The following CACNA2D2 variants were observed in gnomAD, a reference collection of about 807,000 sequenced individuals.
CACNA2D2 encodes the protein calcium voltage-gated channel auxiliary subunit alpha2delta 2.
Under a neutral mutation model 166.4 loss-of-function variants are expected in CACNA2D2, and 48 were observed. That is an observed-to-expected ratio of 0.29 (90% confidence interval 0.23 to 0.37). The LOEUF (loss-of-function observed/expected upper bound fraction) is 0.37, where lower values mean the gene tolerates loss of function less well. Among genes scored for constraint, CACNA2D2 ranks in the 10% least tolerant of loss-of-function variants. The pLI is 1.00. For synonymous variants in CACNA2D2, 561 were observed against 573.7 expected (o/e 0.98, Z 0.32); for missense variants, 1,122 against 1,433.0 (o/e 0.78, Z 3.50).
chr3:50,468,134 ACCCATTCAGCCCTCTGT>A (rs1378593268), intron 2 of CACNA2D2, among the ~76,000 whole-genome samples: 2 of 151,928 alleles, frequency 1.3e-5, no homozygotes, highest in Non-Finnish European at 2.9e-5. Flanking sequence ...CCGAGCATAA[ACCCATTCAGCCCTCTGT>A]CCCCAAGCCC....
intron 3 of CACNA2D2, among the ~76,000 whole-genome samples, chr3:50,398,421 G>A (rs1020934697): frequency 7.2e-5 from 11 of 152,166 alleles, no homozygotes; most frequent in African/African-American, 2.7e-4. Flanking sequence ...TTGAGCACTG[G>A]GTTTGGTGGG....
intron 2 of CACNA2D2, among the ~76,000 whole-genome samples, chr3:50,449,350 C>T (rs911148555): frequency 3.9e-5 from 6 of 152,194 alleles, no homozygotes; most frequent in African/African-American, 1.4e-4. Context: ...TCGTGCCCAG[C>T]TAATGGGCTG....
chr3:50,387,725 C>T, intron 4 of CACNA2D2, 113 bp from the exon 5 acceptor site: 2 of 810,866 alleles, frequency 2.5e-6, no homozygotes, highest in Non-Finnish European at 4.0e-6. Flanking sequence ...CAGAGACTGT[C>T]CCTTTCCCCC....
At chr3:50,407,556 C>G (rs1475564806) in intron 3 of CACNA2D2, among the ~76,000 whole-genome samples, 3 of 152,186 alleles carry the variant, frequency 2.0e-5, no homozygotes, top group Admixed American at 6.5e-5. Flanking sequence ...ACTGGGCAGA[C>G]AGTGACCAGC....
chr3:50,405,215 G>T (rs556622872), intron 3 of CACNA2D2, among the ~76,000 whole-genome samples: 3 of 152,204 alleles, frequency 2.0e-5, no homozygotes, highest in Non-Finnish European at 2.9e-5. Flanking sequence ...AAATGTGCCC[G>T]ATGGGGCACT....
At chr3:50,454,853 A>T (rs570176516) in intron 2 of CACNA2D2, among the ~76,000 whole-genome samples, 1 of 152,216 alleles carries the variant, frequency 6.6e-6, no homozygotes, top group East Asian at 1.9e-4. Flanking sequence ...AGAGAAGGGG[A>T]AGGGTCAGCT....
chr3:50,366,454 TGTG>T lies in CACNA2D2; in HGVS notation c.2638-119_2638-117del. On this transcript the variant is annotated intron_variant, in intron 30 of 37. Transcript: ENST00000424201. The surrounding 1 kb of genome is among the most constrained non-coding windows in gnomAD (Gnocchi z 5.9). ...ATCACTCCCCCAGTCCTGGGAAGGC[TGTG>T]AAGTCAGGGTGGGGATGTTGAGACC... 6.8e-7 allele frequency: 1 copy of T among 1,465,456 alleles called. No individual in the cohort carries two copies. Among genetic ancestry groups the T allele is most frequent in the African/African-American group, 1.4e-5 (1 of 72,158 alleles). The allele number at this position is 1,465,456 out of a possible 1,614,324, so 90.8% of individuals were successfully genotyped here.
At position 50,378,276 on chromosome 3, in the gene CACNA2D2, A is replaced by C; in HGVS notation, c.1389+8T>G. On this transcript the variant is annotated splice_region_variant and intron_variant, in intron 14 of 37. Transcript: ENST00000424201. ...GGGGCTGGGAGGAGGGGCCTCCCCAAGTCTCACCTGTGTGTTGATGCGGAT... is the reference window on the plus strand; with the variant it reads ...GGGGCTGGGAGGAGGGGCCTCCCCACGTCTCACCTGTGTGTTGATGCGGAT... 1 of 1,553,886 alleles carries C rather than the reference A, an allele frequency of 6.4e-7. No homozygotes were observed. The highest frequency in any genetic ancestry group is 1.4e-5 in the African/African-American group (1 of 73,276).
chr3:50,479,674 C>G (rs1559990218), intron 1 of CACNA2D2, among the ~76,000 whole-genome samples: 1 of 152,028 alleles, frequency 6.6e-6, no homozygotes, highest in Non-Finnish European at 1.5e-5. Flanking sequence ...CTCACTCCAG[C>G]AGAAGGGAGG....
At chr3:50,393,401 G>C (rs560616712) in intron 4 of CACNA2D2, among the ~76,000 whole-genome samples, 55 of 152,358 alleles carry the variant, frequency 3.6e-4, no homozygotes, top group Non-Finnish European at 1.6e-4. Context: ...TTGAATCCAG[G>C]AGGAGCCCTG....
chr3:50,382,928 C>G (rs1705401780), intron 6 of CACNA2D2, among the ~76,000 whole-genome samples: 1 of 152,242 alleles, frequency 6.6e-6, no homozygotes, highest in African/African-American at 2.4e-5. Flanking sequence ...GCAAACACCC[C>G]TGCGCCCGCC....
rs1485541355 is a variant in CACNA2D2, at chr3:50,380,035, T to C, written c.843-17A>G. The C allele has an allele frequency of 1.2e-6, 2 of 1,613,952 alleles. No individual in the cohort carries two copies. Among genetic ancestry groups the C allele is most frequent in the Non-Finnish European group, 1.7e-6 (2 of 1,179,946 alleles). On this transcript the variant is annotated splice_polypyrimidine_tract_variant and intron_variant, in intron 8 of 37. Coordinates refer to ENST00000424201, the MANE Select transcript of CACNA2D2 (RefSeq NM_006030.4). The surrounding 1 kb of genome is among the most constrained non-coding windows in gnomAD (Gnocchi z 4.9). ...TGGATATACCTGCCCAGGAGATGCCTCTGTTAGGGTAAGGCCCACTGGGAC... is the reference window on the plus strand; with the variant it reads ...TGGATATACCTGCCCAGGAGATGCCCCTGTTAGGGTAAGGCCCACTGGGAC...
intron 1 of CACNA2D2, among the ~76,000 whole-genome samples, chr3:50,498,361 G>T (rs1482371416): frequency 6.6e-6 from 1 of 152,094 alleles, no homozygotes; most frequent in Non-Finnish European, 1.5e-5. Context: ...TGGCAAAACT[G>T]CCAAGGGACT....
At chr3:50,447,459 G>A (rs895840251) in intron 2 of CACNA2D2, among the ~76,000 whole-genome samples, 2 of 152,164 alleles carry the variant, frequency 1.3e-5, no homozygotes, top group South Asian at 2.1e-4. Context: ...GGGCAATGAC[G>A]CCAGGAGGAC....
intron 22 of CACNA2D2, among the ~76,000 whole-genome samples, chr3:50,371,273 G>C (rs1472604315): frequency 6.6e-6 from 1 of 152,184 alleles, no homozygotes. Context: ...GCATAGGGCT[G>C]CTGTTGAGGC....
intron 1 of CACNA2D2, among the ~76,000 whole-genome samples, chr3:50,480,470 G>T (rs1697997612): frequency 6.6e-6 from 1 of 152,030 alleles, no homozygotes; most frequent in Non-Finnish European, 1.5e-5. Flanking sequence ...GCTTGTGTGG[G>T]GGGTGGGGAG....
intron 13 of CACNA2D2, 116 bp downstream of exon 13, chr3:50,378,799 C>CA (rs1705128242): frequency 8.0e-7 from 1 of 1,247,870 alleles, no homozygotes; most frequent in Non-Finnish European, 1.1e-6. Context: ...GGAGGAGGCA[C>CA]ACTGTCTTGC....
At chr3:50,383,119 G>A (rs1234200636) in intron 6 of CACNA2D2, among the ~76,000 whole-genome samples, 1 of 152,230 alleles carries the variant, frequency 6.6e-6, no homozygotes, top group Admixed American at 6.5e-5. Context: ...GTAGCGAGGG[G>A]TGACTGGAGA....
In CACNA2D2 at chr3:50,376,720, A is replaced by C. The variant is rs1705019534; in HGVS notation, c.1627-532T>G. ...CAGTTTCTTACTGTACCTGGAGGCCAACTGCCACAGCCCCTGCCCACTCAG... is the reference window on the plus strand; with the variant it reads ...CAGTTTCTTACTGTACCTGGAGGCCCACTGCCACAGCCCCTGCCCACTCAG... On this transcript the variant is annotated intron_variant, in intron 17 of 37. Transcript: ENST00000424201. The surrounding 1 kb of genome is among the most constrained non-coding windows in gnomAD (Gnocchi z 4.3). Among the ~76,000 whole-genome samples, 1 of 152,154 alleles carries C rather than the reference A, an allele frequency of 6.6e-6. No homozygotes were observed. The highest frequency in any genetic ancestry group is 1.5e-5 in the Non-Finnish European group (1 of 68,008).
Sources: gnomAD v4.1 joint callset for allele counts (sites outside exome capture counted in the v4.1 genomes callset) on GRCh38, gnomAD v4.1.1 for gene constraint, Gnocchi (gnomAD v3.1) non-coding constraint, MANE v1.5 for transcripts, NCBI Gene and HGNC (gene_info 2026-07-23, HGNC 2026-07-21) for gene names.